Variants in CPB2 observed in about 807,000 individuals in gnomAD.
The protein encoded by CPB2 is carboxypeptidase B2.
Under a neutral mutation model 57.0 loss-of-function variants are expected in CPB2, and 54 were observed. The ratio of observed to expected loss-of-function variants is 0.95; its 90% CI spans 0.76 to 1.19. CPB2 has a LOEUF of 1.19. Among genes scored for constraint, CPB2 ranks in the 50% most tolerant of loss-of-function variants. CPB2 has a pLI of 0.00. For synonymous variants in CPB2, 189 were observed against 178.1 expected, an observed-to-expected ratio of 1.06 and a Z score of -0.49; for missense variants, 426 against 512.0, an observed-to-expected ratio of 0.83 and a Z score of 1.62.
chr13:46,092,024 C>T lies in CPB2; in HGVS notation c.75-4204G>A, dbSNP rs561930540. 1.8e-4 allele frequency among the ~76,000 whole-genome samples: 28 copies of T among 152,314 alleles called. No homozygotes were observed. The South Asian group carries it at 5.6e-3, about 30-fold the overall frequency. On this transcript the variant is annotated intron_variant, in intron 1 of 10. Coordinates refer to ENST00000181383, the MANE Select transcript of CPB2 (RefSeq NM_001872.5). ...TAAGCATGTTGGTGGCATTTGCCAGCTCTGAGCCCCCCCTTTTTTTTAACT... is the reference window on the plus strand; with the variant it reads ...TAAGCATGTTGGTGGCATTTGCCAGTTCTGAGCCCCCCCTTTTTTTTAACT...
chr13:46,088,504 C>A (rs1029497290), intron 1 of CPB2, among the ~76,000 whole-genome samples: 1 of 152,174 alleles, frequency 6.6e-6, no homozygotes, highest in African/African-American at 2.4e-5. Context: ...ATAGTTCACA[C>A]GTGAAAGCAT....
chr13:46,069,512 C>G (rs2044906760), intron 6 of CPB2, among the ~76,000 whole-genome samples: 1 of 152,096 alleles, frequency 6.6e-6, no homozygotes. Flanking sequence ...CTGCCATTTC[C>G]CCAAGCCTCT....
intron 8 of CPB2, among the ~76,000 whole-genome samples, chr13:46,061,719 G>T (rs1387145073): frequency 6.6e-6 from 1 of 152,076 alleles, no homozygotes; most frequent in African/African-American, 2.4e-5. Context: ...ATGGTATTTG[G>T]TTATAGCAGC....
Position 46,082,663 on chromosome 13 carries a change from C to T in CPB2, c.276-114G>A. Reference sequence around the variant, plus strand: ...AAGAAAAAAAATCACTAAGAAACTTCATAAGCATTTCATCAAGGTAAAAGT... The same window carrying T: ...AAGAAAAAAAATCACTAAGAAACTTTATAAGCATTTCATCAAGGTAAAAGT... On this transcript the variant is annotated intron_variant, in intron 3 of 10. Coordinates refer to ENST00000181383, the MANE Select transcript of CPB2 (RefSeq NM_001872.5). 3.4e-6 allele frequency: 2 copies of T among 595,042 alleles called. 1 individual carries two copies. Among genetic ancestry groups the T allele is most frequent in the South Asian group, 4.4e-5 (2 of 45,336 alleles). The allele number at this position is 595,042 out of a possible 1,614,324, so 36.9% of individuals were successfully genotyped here.
At chr13:46,074,122 G>A (rs2044985644) in intron 5 of CPB2, 145 bp from the exon 6 acceptor site, 3 of 489,562 alleles carry the variant, frequency 6.1e-6, no homozygotes, top group East Asian at 3.0e-5. Flanking sequence ...AATTCTCAAG[G>A]GAAATTTAAA....
intron 2 of CPB2, among the ~76,000 whole-genome samples, chr13:46,084,854 TTTTTTA>T (rs2045176308): frequency 6.6e-6 from 1 of 150,542 alleles, no homozygotes; most frequent in African/African-American, 2.5e-5. Context: ...TTATTTTTTA[TTTTTTA>T]TTTTTTTTTT....
chr13:46,068,964 G>A (rs906707530), intron 6 of CPB2, among the ~76,000 whole-genome samples: 2 of 152,130 alleles, frequency 1.3e-5, no homozygotes, highest in Non-Finnish European at 2.9e-5. Context: ...AATATTAGGA[G>A]AGCCTGTTCC....
intron 1 of CPB2, among the ~76,000 whole-genome samples, chr13:46,093,885 T>C (rs911288353): frequency 6.6e-6 from 1 of 152,132 alleles, no homozygotes; most frequent in Non-Finnish European, 1.5e-5. Context: ...TGTGGAGAAA[T>C]GTATGAAAGG....
Position 46,078,906 on chromosome 13 carries a change from C to G in CPB2, c.385-5G>C, listed in dbSNP as rs1021319766. ...AAATTCTATCCAAGAATAGATCTAG[C>G]AAAATGGAAACCAGAGGTTAGTCAC... On this transcript the variant is annotated splice_polypyrimidine_tract_variant and splice_region_variant and intron_variant, in intron 4 of 10. Coordinates refer to ENST00000181383, the MANE Select transcript of CPB2 (RefSeq NM_001872.5). 1 of 1,576,788 alleles carries G rather than the reference C, an allele frequency of 6.3e-7. No individual in the cohort carries two copies. The highest frequency in any genetic ancestry group is 8.7e-7 in the Non-Finnish European group (1 of 1,147,270).
chr13:46,060,269 C>T (rs909580359), intron 8 of CPB2, among the ~76,000 whole-genome samples: 3 of 151,954 alleles, frequency 2.0e-5, no homozygotes, highest in African/African-American at 4.8e-5. Context: ...TCGACACCAG[C>T]GAGGCCAACA....
intron 1 of CPB2, chr13:46,094,775 A>G (rs1477367651): frequency 6.6e-6 from 1 of 152,204 alleles, no homozygotes; most frequent in Admixed American, 6.5e-5. Context: ...TACAATAAAA[A>G]TAAATCAAAG....
chr13:46,053,802 AAAG>A lies in CPB2; in HGVS notation c.1088-7_1088-5del, dbSNP rs752518978. 22 of 1,608,158 alleles carry A rather than the reference AAAG, an allele frequency of 1.4e-5. No individual in the cohort carries two copies. The highest frequency in any genetic ancestry group is 3.3e-4 in the Middle Eastern group (2 of 6,064). On this transcript the variant is annotated splice_polypyrimidine_tract_variant and splice_region_variant and intron_variant, in intron 10 of 10. Coordinates refer to ENST00000181383, the MANE Select transcript of CPB2 (RefSeq NM_001872.5). Reference sequence around the variant, plus strand: ...TCCCCACCTCCAGGAGCTAGGTCTAAAAGAAGAAGAAAGAAATTGTTGAAATAC... The same window carrying A: ...TCCCCACCTCCAGGAGCTAGGTCTAAAAGAAGAAAGAAATTGTTGAAATAC...
At chr13:46,074,434 T>TA (rs2044991246) in intron 5 of CPB2, among the ~76,000 whole-genome samples, 1 of 150,210 alleles carries the variant, frequency 6.7e-6, no homozygotes, top group Non-Finnish European at 1.5e-5. Context: ...ATTTTTTTTT[T>TA]ATGTGGATTA....
chr13:46,074,234 T>TC (rs5803327), intron 5 of CPB2, among the ~76,000 whole-genome samples: 52,137 of 151,886 alleles, frequency 0.34, 9,159 homozygotes, highest in African/African-American at 0.39. Flanking sequence ...GTTTTTATCC[T>TC]CCACAATTAT....
At chr13:46,085,896 G>A (rs528885828) in intron 2 of CPB2, among the ~76,000 whole-genome samples, 65 of 152,302 alleles carry the variant, frequency 4.3e-4, no homozygotes, top group African/African-American at 1.5e-3. Context: ...CACTCATCTC[G>A]TGCTACTGGC....
chr13:46,095,202 T>G (rs187625781), intron 1 of CPB2, among the ~76,000 whole-genome samples: 2 of 152,078 alleles, frequency 1.3e-5, no homozygotes, highest in Non-Finnish European at 2.9e-5. Context: ...ATGAACATAC[T>G]AGGTAGTTGG....
chr13:46,104,732 C>T (rs1206898934), intron 1 of CPB2, among the ~76,000 whole-genome samples: 1 of 152,100 alleles, frequency 6.6e-6, no homozygotes, highest in Non-Finnish European at 1.5e-5. Flanking sequence ...AAACCAGAGC[C>T]AGGAAAGAAA....
At chr13:46,102,191 CTCTCTAA>C (rs2045442771) in intron 1 of CPB2, among the ~76,000 whole-genome samples, 2 of 152,238 alleles carry the variant, frequency 1.3e-5, no homozygotes, top group Non-Finnish European at 2.9e-5. Context: ...CCCTCCTCCA[CTCTCTAA>C]TTCCTAAGTC....
At chr13:46,093,551 A>G (rs182125991) in intron 1 of CPB2, among the ~76,000 whole-genome samples, 2 of 152,240 alleles carry the variant, frequency 1.3e-5, no homozygotes, top group Admixed American at 6.5e-5. Flanking sequence ...AGTTTGATTT[A>G]TAACAGTTAA....
Sources: gnomAD v4.1 joint callset for allele counts (sites outside exome capture counted in the v4.1 genomes callset) on GRCh38, gnomAD v4.1.1 for gene constraint, MANE v1.5 for transcripts, NCBI Gene and HGNC (gene_info 2026-07-23, HGNC 2026-07-21) for gene names.